RIMKLB: variants seen among roughly 807,000 people sequenced by gnomAD.
RIMKLB encodes beta-citrylglutamate synthase B.
RIMKLB carries 7 observed loss-of-function variants against 32.0 expected under a neutral mutation model. That is an observed-to-expected ratio of 0.22 (90% confidence interval 0.12 to 0.41). RIMKLB has a LOEUF of 0.41. Ranked by LOEUF, RIMKLB falls within the 10% of genes least tolerant of loss-of-function variation. The pLI, the probability that RIMKLB is intolerant of heterozygous loss-of-function variation, is 1.00. For synonymous variants in RIMKLB, 172 were observed against 185.1 expected, an observed-to-expected ratio of 0.93 and a Z score of 0.57; for missense variants, 289 against 498.7, an observed-to-expected ratio of 0.58 and a Z score of 4.00.
In RIMKLB at chr12:8,730,076, T is replaced by G. The variant is rs1946399463; in HGVS notation, c.175+16035T>G. Among the ~76,000 whole-genome samples the G allele has an allele frequency of 3.3e-5, 5 of 152,302 alleles. 1 individual carries two copies. In the South Asian group the frequency reaches 1.0e-3, roughly 32 times the overall value. ...TCTGAGCATGTGTTTTGACTGGCCT[T>G]GGCTGCTTTTGTTCTTTGTGTGTGT... On this transcript the variant is annotated intron_variant, in intron 2 of 5. Coordinates refer to ENST00000535829, the MANE Select transcript of RIMKLB (RefSeq NM_001297776.2).
chr12:8,737,846 C>G (rs1016955430), intron 2 of RIMKLB, among the ~76,000 whole-genome samples: 6 of 152,196 alleles, frequency 3.9e-5, no homozygotes, highest in African/African-American at 1.4e-4. Context: ...TTCCAAGTAG[C>G]TGGGATTACA....
At chr12:8,703,175 A>G (rs1943549557) in intron 1 of RIMKLB, among the ~76,000 whole-genome samples, 9 of 152,118 alleles carry the variant, frequency 5.9e-5, no homozygotes, top group Admixed American at 5.9e-4. Flanking sequence ...AATTTCAGCT[A>G]CTCGGGAGGC....
intron 2 of RIMKLB, among the ~76,000 whole-genome samples, chr12:8,726,045 A>C (rs1945966399): frequency 6.6e-6 from 1 of 152,196 alleles, no homozygotes; most frequent in South Asian, 2.1e-4. Context: ...ACAGGATTTC[A>C]TCATGTTGGC....
rs368057834 is a variant in RIMKLB, at chr12:8,684,470, G to C, written n.219+2652G>C. 1.6e-4 allele frequency among the ~76,000 whole-genome samples: 25 copies of C among 152,208 alleles called. No homozygotes were observed. The East Asian group carries it at 3.3e-3, about 20-fold the overall frequency. ...TTACAGGCATGAGCCATCACACCCG[G>C]CCTAAATTTACTCCTATGTTATCTT... On this transcript the variant is annotated intron_variant and non_coding_transcript_variant, in intron 1 of 1. Coordinates refer to the RIMKLB transcript ENST00000538758.
intron 2 of RIMKLB, among the ~76,000 whole-genome samples, chr12:8,718,528 A>G (rs1054689662): frequency 2.0e-5 from 3 of 152,196 alleles, no homozygotes; most frequent in African/African-American, 7.2e-5. Flanking sequence ...CTGTAGTCCC[A>G]GCTACTCAGG....
upstream of RIMKLB, among the ~76,000 whole-genome samples, chr12:8,694,110 G>A (rs1942813230): frequency 6.6e-6 from 1 of 151,876 alleles, no homozygotes; most frequent in East Asian, 2.0e-4. Context: ...CTGGGCGCCT[G>A]TAATTCCAGC....
intron 5 of RIMKLB, among the ~76,000 whole-genome samples, chr12:8,765,215 A>G (rs1343173006): frequency 6.6e-6 from 1 of 151,958 alleles, no homozygotes; most frequent in Non-Finnish European, 1.5e-5. Flanking sequence ...TCCCTGTGTT[A>G]TAGTGGACAT....
intron 2 of RIMKLB, among the ~76,000 whole-genome samples, chr12:8,718,398 C>A (rs1176219147): frequency 5.3e-5 from 8 of 152,178 alleles, no homozygotes; most frequent in Non-Finnish European, 1.0e-4. Flanking sequence ...GTAATCCCAG[C>A]ACTTTGGGAA....
At chr12:8,751,742 T>C (rs1030589406) in intron 3 of RIMKLB, among the ~76,000 whole-genome samples, 1 of 152,200 alleles carries the variant, frequency 6.6e-6, no homozygotes, top group Non-Finnish European at 1.5e-5. Context: ...AAGTTAGATA[T>C]CAGAATATGT....
intron 1 of RIMKLB, among the ~76,000 whole-genome samples, chr12:8,687,158 G>A (rs1038611698): frequency 8.5e-5 from 13 of 152,316 alleles, no homozygotes; most frequent in South Asian, 8.3e-4. Context: ...TCCGTTTACT[G>A]TGAATTTCAG....
At chr12:8,739,739 T>C (rs752465561) in intron 2 of RIMKLB, among the ~76,000 whole-genome samples, 27 of 152,094 alleles carry the variant, frequency 1.8e-4, no homozygotes, top group Non-Finnish European at 3.5e-4. Flanking sequence ...CCTTCCAAAG[T>C]GGAGTTAACA....
rs772825146 is a variant in RIMKLB at position 8,776,077 on chromosome 12, A to T, written c.*2293A>T. Reference sequence around the variant, plus strand: ...ATCTGGTTGCCATGTGTATTATGACACATACACTTTGAATAGTTACATATC... The same window carrying T: ...ATCTGGTTGCCATGTGTATTATGACTCATACACTTTGAATAGTTACATATC... On this transcript the variant is annotated 3_prime_UTR_variant, in exon 6 of 6. Transcript: ENST00000535829. 6 of 981,536 alleles carry T rather than the reference A, an allele frequency of 6.1e-6. No individual in the cohort carries two copies. In the African/African-American group the frequency reaches 1.0e-4, roughly 17 times the overall value. The allele number at this position is 981,536 out of a possible 1,614,324, so 60.8% of individuals were successfully genotyped here.
chr12:8,735,934 TAGTC>T (rs1387031750), intron 2 of RIMKLB, among the ~76,000 whole-genome samples: 4 of 152,178 alleles, frequency 2.6e-5, no homozygotes, highest in South Asian at 4.2e-4. Context: ...TTCTTCATGT[TAGTC>T]AGGCTGGTCT....
intron 1 of RIMKLB, among the ~76,000 whole-genome samples, chr12:8,687,124 G>C (rs1192394022): frequency 6.6e-6 from 1 of 152,206 alleles, no homozygotes; most frequent in East Asian, 1.9e-4. Context: ...CCGAGGGCAT[G>C]ATTGCCAGAT....
downstream of RIMKLB, chr12:8,779,186 G>C (rs1167123664): frequency 6.6e-6 from 1 of 152,214 alleles, no homozygotes; most frequent in African/African-American, 2.4e-5. Context: ...AAGGCATGGA[G>C]AGTTAAACAA....
At chr12:8,718,775 A>G (rs1003123234) in intron 2 of RIMKLB, among the ~76,000 whole-genome samples, 3 of 151,934 alleles carry the variant, frequency 2.0e-5, no homozygotes, top group South Asian at 4.1e-4. Flanking sequence ...GGGATCTCCT[A>G]TGTATCCTCT....
Position 8,713,794 on chromosome 12 carries a change from T to C in RIMKLB, c.-56-17T>C. On this transcript the variant is annotated splice_polypyrimidine_tract_variant and intron_variant, in intron 1 of 5. Coordinates refer to ENST00000535829, the MANE Select transcript of RIMKLB (RefSeq NM_001297776.2). ...TTTCTTGATTTACCTTTTATGTATATTTTTTCTTCCATCTAGGTAGACGTT... is the reference window on the plus strand; with the variant it reads ...TTTCTTGATTTACCTTTTATGTATACTTTTTCTTCCATCTAGGTAGACGTT... 6.9e-7 allele frequency: 1 copy of C among 1,446,606 alleles called. No individual in the cohort carries two copies. Among genetic ancestry groups the C allele is most frequent in the South Asian group, 1.2e-5 (1 of 86,622 alleles). 89.6% of individuals were successfully genotyped at this position (1,446,606 alleles called of 1,614,324 possible).
intron 2 of RIMKLB, among the ~76,000 whole-genome samples, chr12:8,715,448 C>G (rs1204370170): frequency 5.9e-5 from 9 of 152,114 alleles, no homozygotes; most frequent in Admixed American, 5.9e-4. Flanking sequence ...TGGTCTCCAA[C>G]TCTGAACTCA....
chr12:8,735,717 G>A (rs959012025), intron 2 of RIMKLB, among the ~76,000 whole-genome samples: 6 of 143,814 alleles, frequency 4.2e-5, no homozygotes, highest in East Asian at 2.0e-4. Context: ...GACTTTCTTC[G>A]TTTTTTTTTT....
Sources: gnomAD v4.1 joint callset for allele counts (sites outside exome capture counted in the v4.1 genomes callset) on GRCh38, gnomAD v4.1.1 for gene constraint, MANE v1.5 for transcripts, NCBI Gene and HGNC (gene_info 2026-07-23, HGNC 2026-07-21) for gene names.